Variants in IL1RAP observed in about 807,000 individuals in gnomAD.
IL1RAP encodes interleukin-1 receptor accessory protein.
Under a neutral mutation model 60.7 loss-of-function variants are expected in IL1RAP, and 35 were observed. The observed-to-expected ratio is 0.58, with a 90% CI of 0.44 to 0.76. The LOEUF is 0.76. Among genes scored for constraint, IL1RAP ranks in the 30% least tolerant of loss-of-function variants. IL1RAP has a pLI of 0.00. For synonymous variants in IL1RAP, 268 were observed against 250.9 expected (o/e 1.07, Z -0.64); for missense variants, 572 against 693.9 (o/e 0.82, Z 1.97).
At chr3:190,619,713 A>G (rs1374669621) in intron 5 of IL1RAP, among the ~76,000 whole-genome samples, 1 of 150,346 alleles carries the variant, frequency 6.7e-6, no homozygotes, top group Non-Finnish European at 1.5e-5. Flanking sequence ...TCACAGACTG[A>G]TGAGACCCTA....
At chr3:190,599,272 A>T (rs1318508573) in intron 3 of IL1RAP, among the ~76,000 whole-genome samples, 2 of 152,242 alleles carry the variant, frequency 1.3e-5, no homozygotes, top group East Asian at 3.9e-4. Context: ...TGTGGCACAC[A>T]TCCCCCGAAG....
chr3:190,648,105 G>C (rs1734165683), intron 11 of IL1RAP, among the ~76,000 whole-genome samples: 1 of 152,078 alleles, frequency 6.6e-6, no homozygotes, highest in Non-Finnish European at 1.5e-5. Flanking sequence ...ATGCCTGTTT[G>C]GAATTCTTTT....
chr3:190,644,209 A>G (rs1262430114), intron 9 of IL1RAP, 39 bp from the exon 10 acceptor site: 1 of 1,593,282 alleles, frequency 6.3e-7, no homozygotes, highest in Non-Finnish European at 8.6e-7. Flanking sequence ...TGTGGTCACC[A>G]CACAGAAATC....
In IL1RAP at chr3:190,650,060, AATATAT is replaced by A; in HGVS notation, c.*1367_*1372del. 3.4e-6 allele frequency: 2 copies of A among 595,012 alleles called. No individual in the cohort carries two copies. Among genetic ancestry groups the A allele is most frequent in the Non-Finnish European group, 2.1e-6 (1 of 475,808 alleles). 36.9% of individuals were successfully genotyped at this position (595,012 alleles called of 1,614,324 possible). A position where few individuals can be genotyped will look rare whatever the true frequency, so the allele number is the denominator to read the frequency against. On this transcript the variant is annotated 3_prime_UTR_variant, in exon 12 of 12. Coordinates refer to ENST00000447382, the MANE Select transcript of IL1RAP (RefSeq NM_002182.4). ...TGTATATAAATCCACATGCACATGA[AATATAT>A]ATATATATATAATTTGTGTGTGTGT...
chr3:190,561,960 A>G (rs1424267227), intron 2 of IL1RAP, among the ~76,000 whole-genome samples: 1 of 152,074 alleles, frequency 6.6e-6, no homozygotes, highest in African/African-American at 2.4e-5. Flanking sequence ...TTGCTCCCCT[A>G]CTCAGAAAAC....
At chr3:190,551,429 G>C (rs975895184) in intron 1 of IL1RAP, among the ~76,000 whole-genome samples, 1 of 152,182 alleles carries the variant, frequency 6.6e-6, no homozygotes, top group Non-Finnish European at 1.5e-5. Context: ...ACCAGGCAGA[G>C]AGAAACAAAC....
At chr3:190,537,038 A>G (rs754585164) in intron 1 of IL1RAP, among the ~76,000 whole-genome samples, 19 of 152,112 alleles carry the variant, frequency 1.2e-4, no homozygotes, top group Non-Finnish European at 1.9e-4. Flanking sequence ...ATTTTTTTTA[A>G]CTTTTAGACA....
chr3:190,552,653 A>T (rs1376923159), intron 1 of IL1RAP, among the ~76,000 whole-genome samples: 1 of 152,130 alleles, frequency 6.6e-6, no homozygotes, highest in Non-Finnish European at 1.5e-5. Context: ...AGTCCCCACA[A>T]GATCCTTCAT....
intron 3 of IL1RAP, among the ~76,000 whole-genome samples, chr3:190,579,796 C>T (rs1043048679): frequency 6.6e-6 from 1 of 152,100 alleles, no homozygotes; most frequent in Non-Finnish European, 1.5e-5. Flanking sequence ...TATAGATTTG[C>T]CTATTCCGGA....
rs148316157 is a variant in IL1RAP at position 190,648,470 on chromosome 3, G to A, written c.1478G>A (p.Arg493Gln). 2.0e-5 allele frequency: 32 copies of A among 1,614,058 alleles called. No individual in the cohort carries two copies. The highest frequency in any genetic ancestry group is 1.7e-4 in the African/African-American group (13 of 74,996). ...GCTGGCCTAGAAAATATGGCCTCTC[G>A]GGGCAACATCAACGTCATTTTAGTA... ...LKAGLENMAS[R>Q]GNINVILVQY... Residue 493 changes from arginine to glutamine, a missense_variant, in exon 12 of 12, where the codon CGG becomes CAG. By Grantham distance (43) the Arg-to-Gln change is conservative. Transcript: ENST00000447382.
At chr3:190,581,675 T>G (rs190078652) in intron 3 of IL1RAP, among the ~76,000 whole-genome samples, 9 of 152,356 alleles carry the variant, frequency 5.9e-5, no homozygotes, top group African/African-American at 2.2e-4. Context: ...TCCCTGGTTT[T>G]GACGACTCTA....
intron 1 of IL1RAP, among the ~76,000 whole-genome samples, chr3:190,549,536 G>C (rs1724676869): frequency 6.6e-6 from 1 of 152,210 alleles, no homozygotes; most frequent in African/African-American, 2.4e-5. Context: ...TGTGAGAAGA[G>C]ACAGACTGGG....
At chr3:190,526,276 G>A (rs1457117123) in intron 1 of IL1RAP, among the ~76,000 whole-genome samples, 13 of 152,176 alleles carry the variant, frequency 8.5e-5, no homozygotes, top group Admixed American at 8.5e-4. Flanking sequence ...ACAAAACTGA[G>A]ACCCGGAATC....
intron 1 of IL1RAP, among the ~76,000 whole-genome samples, chr3:190,551,890 T>C (rs1724896424): frequency 6.6e-6 from 1 of 152,248 alleles, no homozygotes; most frequent in Admixed American, 6.5e-5. Context: ...TTATGATTGA[T>C]AGCATATACT....
At chr3:190,605,300 CT>C (rs5855340) in intron 4 of IL1RAP, among the ~76,000 whole-genome samples, 90 of 150,340 alleles carry the variant, frequency 6.0e-4, no homozygotes, top group Admixed American at 2.2e-3. Context: ...CAGTATTCCT[CT>C]TTTTTTTTTC....
intron 6 of IL1RAP, among the ~76,000 whole-genome samples, chr3:190,622,772 C>G (rs927110836): frequency 7.2e-5 from 11 of 152,112 alleles, no homozygotes; most frequent in Admixed American, 7.2e-4. Context: ...AGAAGCTCTC[C>G]GAACCTCATT....
intron 1 of IL1RAP, among the ~76,000 whole-genome samples, chr3:190,532,715 G>A (rs528842103): frequency 1.3e-5 from 2 of 152,244 alleles, no homozygotes; most frequent in Admixed American, 1.3e-4. Context: ...GAGGCGTGCC[G>A]TGCATCCCAT....
At chr3:190,583,705 A>T (rs1262876194) in intron 3 of IL1RAP, among the ~76,000 whole-genome samples, 1 of 152,196 alleles carries the variant, frequency 6.6e-6, no homozygotes, top group Non-Finnish European at 1.5e-5. Context: ...CCATCTATAT[A>T]TCCAGAGGTG....
downstream of IL1RAP, chr3:190,655,869 A>C: frequency 2.7e-6 from 4 of 1,506,160 alleles, no homozygotes; most frequent in Non-Finnish European, 3.6e-6. Context: ...ACATTGTCCT[A>C]TATTTCCATT....
Sources: gnomAD v4.1 joint callset for allele counts (sites outside exome capture counted in the v4.1 genomes callset) on GRCh38, gnomAD v4.1.1 for gene constraint, MANE v1.5 for transcripts, NCBI Gene and HGNC (gene_info 2026-07-23, HGNC 2026-07-21) for gene names.